BMP5: variants seen among roughly 807,000 people sequenced by gnomAD.
BMP5 encodes bone morphogenetic protein 5.
BMP5 carries 23 observed loss-of-function variants against 46.6 expected under a neutral mutation model. The ratio of observed to expected loss-of-function variants is 0.49; its 90% CI spans 0.35 to 0.70. The LOEUF (loss-of-function observed/expected upper bound fraction) is 0.70. BMP5 is among the 30% of genes least tolerant of loss of function. The pLI, the probability that BMP5 is intolerant of heterozygous loss-of-function variation, is 0.00. For synonymous variants in BMP5, 204 were observed against 191.9 expected, an observed-to-expected ratio of 1.06 and a Z score of -0.52; for missense variants, 545 against 565.6, an observed-to-expected ratio of 0.96 and a Z score of 0.37.
intron 1 of BMP5, among the ~76,000 whole-genome samples, chr6:55,833,303 A>C (rs1158029317): frequency 6.6e-6 from 1 of 152,188 alleles, no homozygotes; most frequent in Non-Finnish European, 1.5e-5. Flanking sequence ...AATGTACTTA[A>C]AGTTCTGCTT....
intron 1 of BMP5, among the ~76,000 whole-genome samples, chr6:55,837,650 C>T (rs190196827): frequency 2.0e-5 from 3 of 152,238 alleles, no homozygotes; most frequent in East Asian, 1.9e-4. Context: ...CTTTGAGTTA[C>T]AAGTAGTCCA....
Position 55,774,127 on chromosome 6 carries a change from C to T in BMP5, c.949G>A (p.Ala317Thr). Residue 317 changes from alanine to threonine, a missense_variant, in exon 4 of 7, where the codon GCA becomes ACA. Coordinates refer to ENST00000370830, the MANE Select transcript of BMP5 (RefSeq NM_021073.4). The stretch of plus-strand genomic sequence containing the variant: ...TTTTGATTTTTTCGTTTGTTGGCTG[C>T]TCTCACGGATCGAAGAAGTACCTCA... The part of the protein sequence containing the change: ...ASEVLLRSVR[A>T]ANKRKNQNRN... 1 of 1,613,156 alleles carries T rather than the reference C, an allele frequency of 6.2e-7. No homozygotes were observed. Among genetic ancestry groups the T allele is most frequent in the Non-Finnish European group, 8.5e-7 (1 of 1,179,480 alleles).
intron 3 of BMP5, among the ~76,000 whole-genome samples, chr6:55,788,064 A>T (rs1285341603): frequency 6.6e-6 from 1 of 151,562 alleles, no homozygotes; most frequent in East Asian, 1.9e-4. Flanking sequence ...CTTGTAATTC[A>T]ATTATCTTTG....
chr6:55,755,387 C>CT lies in BMP5; in HGVS notation c.*145dup. ...TATACGTTTAAATAAATAAAAATGA[C>CT]TATATACATGATATTGTACATAGGA... On this transcript the variant is annotated 3_prime_UTR_variant, in exon 7 of 7. Coordinates refer to ENST00000370830, the MANE Select transcript of BMP5 (RefSeq NM_021073.4). 1.4e-6 allele frequency: 1 copy of CT among 708,782 alleles called. No homozygotes were observed. Among genetic ancestry groups the CT allele is most frequent in the Non-Finnish European group, 2.4e-6 (1 of 424,724 alleles). The allele number at this position is 708,782 out of a possible 1,614,324, so 43.9% of individuals were successfully genotyped here.
chr6:55,819,361 T>C (rs1402715701), intron 2 of BMP5, among the ~76,000 whole-genome samples: 1 of 152,198 alleles, frequency 6.6e-6, no homozygotes, highest in Non-Finnish European at 1.5e-5. Context: ...GGAAGTTTTC[T>C]GGGATGAAGG....
rs75935211 is a variant in BMP5 at position 55,871,863 on chromosome 6, A to G, written c.490+2513T>C. On this transcript the variant is annotated intron_variant, in intron 1 of 6. Coordinates refer to ENST00000370830, the MANE Select transcript of BMP5 (RefSeq NM_021073.4). ...ATATCCAGGTGACTTCCTCAATACA[A>G]ATCCCTTGCCTACTACTAATGTGAC... 1.0e-3 allele frequency among the ~76,000 whole-genome samples: 154 copies of G among 151,882 alleles called. 1 individual carries two copies. In the East Asian group the frequency reaches 0.01, roughly 10 times the overall value.
intron 1 of BMP5, among the ~76,000 whole-genome samples, chr6:55,830,177 T>C (rs906921690): frequency 6.6e-6 from 1 of 152,106 alleles, no homozygotes; most frequent in Non-Finnish European, 1.5e-5. Flanking sequence ...GTATTGTATT[T>C]AAAGATGTAT....
chr6:55,822,726 C>T lies in BMP5; in HGVS notation c.491-2879G>A, dbSNP rs189468431. 1.9e-3 allele frequency among the ~76,000 whole-genome samples: 285 copies of T among 152,096 alleles called. 4 individuals carry two copies. Among genetic ancestry groups the T allele is most frequent in the Middle Eastern group, 0.01 (3 of 294 alleles). On this transcript the variant is annotated intron_variant, in intron 1 of 6. Transcript: ENST00000370830. ...TTATGTAATCTACCGTTCTGGAATC[C>T]CCTGTGAGATGTTAGTGTAATAAAG...
At chr6:55,812,574 A>C (rs1379802801) in intron 2 of BMP5, among the ~76,000 whole-genome samples, 1 of 152,236 alleles carries the variant, frequency 6.6e-6, no homozygotes, top group Non-Finnish European at 1.5e-5. Context: ...GAAACTTTAC[A>C]TATGTGAAAA....
chr6:55,847,013 C>T (rs992408146), intron 1 of BMP5, among the ~76,000 whole-genome samples: 1 of 151,608 alleles, frequency 6.6e-6, no homozygotes, highest in African/African-American at 2.4e-5. Context: ...GGAAAATAAC[C>T]AGCAAGGGTA....
chr6:55,774,002 G>A (rs200747178), intron 4 of BMP5, 47 bp downstream of exon 4: 134 of 1,589,112 alleles, frequency 8.4e-5, no homozygotes, highest in Non-Finnish European at 1.0e-4. Flanking sequence ...TGCAGCATAC[G>A]ACCCCATAAC....
Position 55,759,093 on chromosome 6 carries a change from C to A in BMP5, c.1127G>T (p.Gly376Val), listed in dbSNP as rs1444352884. ...GWQDWIIAPE[G>V]YAAFYCDGEC... ...TCCATCACAATAAAATGCAGCGTATCCTTCTGGTGCTATAATCCAGTCCTG... is the reference window on the plus strand; with the variant it reads ...TCCATCACAATAAAATGCAGCGTATACTTCTGGTGCTATAATCCAGTCCTG... The change falls in exon 6 of 7, where the codon GGA (glycine) becomes GTA (valine). Residue 376 changes from glycine to valine, a missense_variant. By Grantham distance (109) the Gly-to-Val change is moderately radical (BLOSUM62 -3). Coordinates refer to ENST00000370830, the MANE Select transcript of BMP5 (RefSeq NM_021073.4). 5.8e-6 allele frequency: 8 copies of A among 1,382,866 alleles called. No homozygotes were observed. The highest frequency in any genetic ancestry group is 5.7e-6 in the Non-Finnish European group (6 of 1,045,408). The allele number at this position is 1,382,866 out of a possible 1,614,324, so 85.7% of individuals were successfully genotyped here.
At chr6:55,868,126 A>G (rs1442613050) in intron 1 of BMP5, among the ~76,000 whole-genome samples, 1 of 152,162 alleles carries the variant, frequency 6.6e-6, no homozygotes. Flanking sequence ...TAGCTGAAGG[A>G]TTTTGTACAT....
At chr6:55,810,566 A>C (rs969874728) in intron 2 of BMP5, among the ~76,000 whole-genome samples, 50 of 152,218 alleles carry the variant, frequency 3.3e-4, no homozygotes, top group African/African-American at 1.2e-3. Flanking sequence ...CAGACAGTTC[A>C]ACCATTTTTC....
intron 4 of BMP5, 59 bp downstream of exon 4, chr6:55,773,990 T>G: frequency 6.4e-7 from 1 of 1,566,018 alleles, no homozygotes; most frequent in Non-Finnish European, 8.8e-7. Context: ...GGCTACTTGA[T>G]TTGCAGCATA....
chr6:55,857,038 T>C (rs558791480), intron 1 of BMP5, among the ~76,000 whole-genome samples: 3 of 152,198 alleles, frequency 2.0e-5, no homozygotes, highest in Non-Finnish European at 4.4e-5. Flanking sequence ...TTTATGTGGT[T>C]CATGATCATA....
intron 4 of BMP5, among the ~76,000 whole-genome samples, chr6:55,770,764 T>C (rs180691132): frequency 1.3e-5 from 2 of 152,004 alleles, no homozygotes; most frequent in Admixed American, 6.6e-5. Flanking sequence ...TTTAGGCCAT[T>C]GTCGGGTACT....
chr6:55,859,978 C>T (rs540495691), intron 1 of BMP5, among the ~76,000 whole-genome samples: 1 of 152,306 alleles, frequency 6.6e-6, no homozygotes, highest in East Asian at 1.9e-4. Flanking sequence ...CAGACAACAC[C>T]TCTGAAAAGG....
At chr6:55,763,093 G>A (rs577277914) in intron 4 of BMP5, among the ~76,000 whole-genome samples, 1 of 151,934 alleles carries the variant, frequency 6.6e-6, no homozygotes, top group Non-Finnish European at 1.5e-5. Flanking sequence ...TGGTTATTAG[G>A]CCTTACTTTT....
Sources: gnomAD v4.1 joint callset for allele counts (sites outside exome capture counted in the v4.1 genomes callset) on GRCh38, gnomAD v4.1.1 for gene constraint, MANE v1.5 for transcripts, NCBI Gene and HGNC (gene_info 2026-07-23, HGNC 2026-07-21) for gene names.